The following NKAIN2 variants were observed in gnomAD, a reference collection of about 807,000 sequenced individuals.
The protein encoded by NKAIN2 is sodium/potassium-transporting ATPase subunit beta-1-interacting protein 2.
Under a neutral mutation model 32.6 loss-of-function variants are expected in NKAIN2, and 14 were observed. That is an observed-to-expected ratio of 0.43 (90% confidence interval 0.28 to 0.67). The LOEUF (loss-of-function observed/expected upper bound fraction) is 0.67, where lower values mean the gene tolerates loss of function less well. Among genes scored for constraint, NKAIN2 ranks in the 30% least tolerant of loss-of-function variants. The pLI is 0.17. For missense variants in NKAIN2, 198 were observed against 258.3 expected (o/e 0.77, Z 1.60); for synonymous variants, 80 against 87.2 (o/e 0.92, Z 0.46).
intron 3 of NKAIN2, among the ~76,000 whole-genome samples, chr6:124,402,332 C>CT (rs2114460392): frequency 6.6e-6 from 1 of 152,258 alleles, no homozygotes; most frequent in African/African-American, 2.4e-5. Context: ...TCAAGTTTCA[C>CT]TTTTTTCTGT....
intron 1 of NKAIN2, among the ~76,000 whole-genome samples, chr6:124,030,137 G>A (rs2114784235): frequency 6.6e-6 from 1 of 152,246 alleles, no homozygotes; most frequent in South Asian, 2.1e-4. Context: ...CCCCATATGG[G>A]ACTGTCTAGT....
intron 3 of NKAIN2, among the ~76,000 whole-genome samples, chr6:124,567,173 T>C (rs1389656028): frequency 6.6e-6 from 1 of 152,196 alleles, no homozygotes; most frequent in Non-Finnish European, 1.5e-5. Flanking sequence ...ACCCTTGCTA[T>C]AAAATTCAAT....
At chr6:124,677,634 T>TGTC (rs1554249918) in intron 4 of NKAIN2, among the ~76,000 whole-genome samples, 1 of 152,218 alleles carries the variant, frequency 6.6e-6, no homozygotes, top group Non-Finnish European at 1.5e-5. Context: ...ATGTTACTGA[T>TGTC]GTCATAAATT....
At chr6:124,198,104 G>T (rs1319661732) in intron 1 of NKAIN2, among the ~76,000 whole-genome samples, 1 of 151,712 alleles carries the variant, frequency 6.6e-6, no homozygotes, top group Non-Finnish European at 1.5e-5. Flanking sequence ...TCTAGATATG[G>T]GCTACCTTTG....
At chr6:124,018,730 C>A (rs1482638343) in intron 1 of NKAIN2, among the ~76,000 whole-genome samples, 1 of 152,126 alleles carries the variant, frequency 6.6e-6, no homozygotes, top group African/African-American at 2.4e-5. Context: ...CAAAATTATT[C>A]AACAACTCTC....
chr6:124,748,364 G>C (rs367948428), intron 4 of NKAIN2, among the ~76,000 whole-genome samples: 14 of 151,934 alleles, frequency 9.2e-5, no homozygotes, highest in Admixed American at 1.3e-4. Flanking sequence ...AAGCACAAAA[G>C]AGCATAAGCC....
chr6:124,173,171 A>G (rs767112004), intron 1 of NKAIN2, among the ~76,000 whole-genome samples: 1 of 152,164 alleles, frequency 6.6e-6, no homozygotes, highest in Non-Finnish European at 1.5e-5. Context: ...AAATGCATAT[A>G]CAATTGTATT....
At chr6:124,770,565 T>C (rs1172591052) in intron 4 of NKAIN2, among the ~76,000 whole-genome samples, 2 of 152,212 alleles carry the variant, frequency 1.3e-5, no homozygotes, top group African/African-American at 4.8e-5. Context: ...TGCCTCTGCA[T>C]GTCATCTATT....
At chr6:124,082,903 G>A (rs1478763360) in intron 1 of NKAIN2, among the ~76,000 whole-genome samples, 3 of 151,878 alleles carry the variant, frequency 2.0e-5, no homozygotes, top group Non-Finnish European at 2.9e-5. Flanking sequence ...AGGTATTTAG[G>A]CAAGTGATAT....
intron 4 of NKAIN2, among the ~76,000 whole-genome samples, chr6:124,723,769 A>T (rs1776140923): frequency 6.6e-6 from 1 of 152,242 alleles, no homozygotes; most frequent in Admixed American, 6.5e-5. Flanking sequence ...AAGAATTTTT[A>T]AAATTTTAAA....
chr6:124,443,186 A>G (rs1257752507), intron 3 of NKAIN2, among the ~76,000 whole-genome samples: 2 of 151,968 alleles, frequency 1.3e-5, no homozygotes, highest in South Asian at 4.1e-4. Flanking sequence ...CTCAATTTTT[A>G]TTGGGTTTTT....
At chr6:123,998,860 G>T (rs981573816) in intron 1 of NKAIN2, among the ~76,000 whole-genome samples, 13 of 149,900 alleles carry the variant, frequency 8.7e-5, no homozygotes, top group Non-Finnish European at 1.9e-4. Flanking sequence ...TAAAATGACT[G>T]CTCTACAATT....
chr6:124,216,947 A>T (rs1419600879), intron 1 of NKAIN2, among the ~76,000 whole-genome samples: 1 of 152,172 alleles, frequency 6.6e-6, no homozygotes, highest in Non-Finnish European at 1.5e-5. Context: ...CATAACTATT[A>T]TAAATAACAA....
intron 3 of NKAIN2, among the ~76,000 whole-genome samples, chr6:124,415,878 C>CTTTTTTTTTTTTCT (rs1774444599): frequency 1.4e-5 from 1 of 72,590 alleles, no homozygotes; most frequent in Non-Finnish European, 2.6e-5. Context: ...TTTTTATTTG[C>CTTTTTTTTTTTTCT]TTTTTTTTTT....
At chr6:124,315,652 A>G (rs1796918518) in intron 2 of NKAIN2, among the ~76,000 whole-genome samples, 1 of 152,172 alleles carries the variant, frequency 6.6e-6, no homozygotes, top group Non-Finnish European at 1.5e-5. Context: ...ATCTCCAGAT[A>G]TAAATTACAC....
chr6:124,703,837 G>A (rs141514810), intron 4 of NKAIN2, among the ~76,000 whole-genome samples: 22 of 152,060 alleles, frequency 1.4e-4, no homozygotes, highest in African/African-American at 5.3e-4. Context: ...GTTTGTGGGT[G>A]AATCTGGAAT....
At chr6:124,526,406 G>A (rs1028062745) in intron 3 of NKAIN2, among the ~76,000 whole-genome samples, 19 of 152,106 alleles carry the variant, frequency 1.2e-4, no homozygotes, top group African/African-American at 4.1e-4. Flanking sequence ...TGGGTAAATT[G>A]AAGCCCACAT....
At chr6:124,377,633 G>C (rs1800049363) in intron 3 of NKAIN2, among the ~76,000 whole-genome samples, 1 of 152,142 alleles carries the variant, frequency 6.6e-6, no homozygotes, top group Non-Finnish European at 1.5e-5. Flanking sequence ...AAGAGGAAGA[G>C]AAATGTGAGG....
chr6:123,827,895 CTATA>C (rs202131405), intron 1 of NKAIN2, among the ~76,000 whole-genome samples: 1 of 147,418 alleles, frequency 6.8e-6, no homozygotes, highest in South Asian at 2.3e-4. Context: ...CTCTCTCTCT[CTATA>C]TATATATATG....
Sources: gnomAD v4.1 joint callset for allele counts (sites outside exome capture counted in the v4.1 genomes callset) on GRCh38, gnomAD v4.1.1 for gene constraint, MANE v1.5 for transcripts, NCBI Gene and HGNC (gene_info 2026-07-23, HGNC 2026-07-21) for gene names.